TBC1D32: variants seen among roughly 807,000 people sequenced by gnomAD.
TBC1D32 encodes the protein TBC1 domain family member 32.
A neutral mutation model predicts 170.3 loss-of-function variants in TBC1D32; 151 were observed. That is an observed-to-expected ratio of 0.89 (90% CI 0.78 to 1.01). The LOEUF is 1.01. Among genes scored for constraint, TBC1D32 ranks in the 50% least tolerant of loss-of-function variants. The pLI is 0.00. For missense variants in TBC1D32, 1,464 were observed against 1,457.1 expected (o/e 1.00, Z -0.08); for synonymous variants, 498 against 488.0 (o/e 1.02, Z -0.27).
At chr6:121,099,520 C>T (rs1777775633) in intron 30 of TBC1D32, among the ~76,000 whole-genome samples, 1 of 151,858 alleles carries the variant, frequency 6.6e-6, no homozygotes, top group Admixed American at 6.6e-5. Flanking sequence ...GCCTACAAAT[C>T]CTTCACTAAT....
intron 15 of TBC1D32, among the ~76,000 whole-genome samples, chr6:121,259,640 A>G (rs1799507981): frequency 6.6e-6 from 1 of 152,230 alleles, no homozygotes; most frequent in Non-Finnish European, 1.5e-5. Context: ...GTAAAATTTT[A>G]GAACCTGAAA....
At chr6:121,269,526 T>C (rs561387573) in intron 15 of TBC1D32, among the ~76,000 whole-genome samples, 7 of 152,244 alleles carry the variant, frequency 4.6e-5, no homozygotes, top group African/African-American at 1.7e-4. Flanking sequence ...GGACATTACA[T>C]AATGGTAAAG....
chr6:121,190,197 C>T (rs1476595104), intron 22 of TBC1D32, among the ~76,000 whole-genome samples: 3 of 150,360 alleles, frequency 2.0e-5, no homozygotes, highest in Non-Finnish European at 4.4e-5. Flanking sequence ...GCCTCCCGCT[C>T]TTTCTCTCAC....
intron 24 of TBC1D32, among the ~76,000 whole-genome samples, chr6:121,136,435 A>C (rs143461005): frequency 6.6e-6 from 1 of 152,300 alleles, no homozygotes; most frequent in Non-Finnish European, 1.5e-5. Context: ...GTGTCTATAG[A>C]CATTTCTGAT....
At chr6:121,302,585 A>G (rs1806657625) in intron 9 of TBC1D32, among the ~76,000 whole-genome samples, 1 of 152,208 alleles carries the variant, frequency 6.6e-6, no homozygotes, top group Non-Finnish European at 1.5e-5. Flanking sequence ...AGTATATATA[A>G]CATATCTACA....
chr6:121,135,842 G>T (rs1781994314), intron 24 of TBC1D32, among the ~76,000 whole-genome samples: 1 of 152,062 alleles, frequency 6.6e-6, no homozygotes, highest in Non-Finnish European at 1.5e-5. Flanking sequence ...TCACACCTTG[G>T]TAACAGGTAA....
chr6:121,263,181 A>T (rs1799989757), intron 15 of TBC1D32, among the ~76,000 whole-genome samples: 1 of 151,904 alleles, frequency 6.6e-6, no homozygotes, highest in African/African-American at 2.4e-5. Flanking sequence ...TATTCAAGAG[A>T]CTCATCTCAT....
intron 30 of TBC1D32, among the ~76,000 whole-genome samples, chr6:121,100,036 T>C (rs755559112): frequency 6.6e-6 from 1 of 151,986 alleles, no homozygotes; most frequent in African/African-American, 2.4e-5. Flanking sequence ...CCAGTAGTCA[T>C]TCAGGAGCAG....
At chr6:121,192,056 AAACTACCCTT>A (rs376939204) in intron 22 of TBC1D32, among the ~76,000 whole-genome samples, 19,043 of 59,120 alleles carry the variant, frequency 0.32, 1,790 homozygotes, top group South Asian at 0.52. Flanking sequence ...AATACTTAAT[AAACTACCCTT>A]TATATATATA....
chr6:121,230,109 T>C (rs1795553266), intron 20 of TBC1D32, among the ~76,000 whole-genome samples: 3 of 152,106 alleles, frequency 2.0e-5, no homozygotes, highest in Non-Finnish European at 2.9e-5. Context: ...TTCTTCATAG[T>C]AGTGAAAATG....
chr6:121,311,778 G>A (rs1808247967), intron 3 of TBC1D32, among the ~76,000 whole-genome samples: 1 of 151,860 alleles, frequency 6.6e-6, no homozygotes, highest in African/African-American at 2.4e-5. Context: ...AGGCTGTGGA[G>A]AAATAGGAAT....
rs569860832 is a variant in TBC1D32 at position 121,162,032 on chromosome 6, T to G, written c.2571-976A>C. Among the ~76,000 whole-genome samples the G allele has an allele frequency of 2.0e-5, 3 of 152,354 alleles. No individual in the cohort carries two copies. The East Asian group carries it at 5.8e-4, about 29-fold the overall frequency. ...TTTGCCCACTTTTTAATGGGACTGT[T>G]TGCTTTTCTCTTGTAAATTTGTTTA... On this transcript the variant is annotated intron_variant, in intron 22 of 31. Transcript: ENST00000398212.
chr6:121,303,755 C>T lies in TBC1D32; in HGVS notation c.942G>A (p.Met314Ile), dbSNP rs780955437. The change falls in exon 9 of 32, where the codon ATG becomes ATA. Residue 314 changes from methionine to isoleucine, a missense_variant. Physicochemically the swap from Met to Ile is conservative, Grantham distance 10. Around this residue, in one of 3 missense-constraint regions of TBC1D32, gnomAD observed 1,363 missense variants for 1,338.1 expected, o/e 1.02. Coordinates refer to ENST00000398212, the MANE Select transcript of TBC1D32 (RefSeq NM_152730.6). ...ACAAAGTACTCTCCACAATTTCTTC[C>T]ATATACCTTAAAGTTTGGGAAAAAA... Reference protein sequence around the residue: ...SFWIRHPEKYMEEIVESTLSL... With the variant: ...SFWIRHPEKYIEEIVESTLSL... The T allele has an allele frequency of 2.0e-6, 3 of 1,531,578 alleles. No homozygotes were observed. Among genetic ancestry groups the T allele is most frequent in the Non-Finnish European group, 2.7e-6 (3 of 1,127,686 alleles). 94.9% of individuals were successfully genotyped at this position (1,531,578 alleles called of 1,614,324 possible).
At chr6:121,101,630 C>G (rs978517044) in intron 30 of TBC1D32, among the ~76,000 whole-genome samples, 1 of 152,150 alleles carries the variant, frequency 6.6e-6, no homozygotes, top group African/African-American at 2.4e-5. Flanking sequence ...CAGCCAGTAT[C>G]ACACTGAATG....
chr6:121,203,009 A>T (rs1344290807), intron 22 of TBC1D32, among the ~76,000 whole-genome samples: 1 of 151,394 alleles, frequency 6.6e-6, no homozygotes, highest in African/African-American at 2.5e-5. Flanking sequence ...AATGAAAAAC[A>T]TAGATTCAGA....
At chr6:121,093,729 T>C (rs545571594) in intron 30 of TBC1D32, among the ~76,000 whole-genome samples, 1 of 152,310 alleles carries the variant, frequency 6.6e-6, no homozygotes, top group South Asian at 2.1e-4. Context: ...TCAAGCATTG[T>C]TTCCTGTACA....
At position 121,196,082 on chromosome 6, in the gene TBC1D32, CAT is replaced by C. The variant is rs528233690; in HGVS notation, c.2570+8991_2570+8992del. ...AAAAACCATGAAGATACTTGTATCC[CAT>C]ATGAGTGCTCACCAACAGGTGACCT... is the stretch of plus-strand genomic sequence containing the variant. On this transcript the variant is annotated intron_variant, in intron 22 of 31. Transcript: ENST00000398212. 1.7e-4 allele frequency among the ~76,000 whole-genome samples: 26 copies of C among 152,250 alleles called. No individual in the cohort carries two copies. In the South Asian group the frequency reaches 5.2e-3, roughly 30 times the overall value.
chr6:121,103,823 G>A lies in TBC1D32; in HGVS notation c.3465+2200C>T, dbSNP rs180867281. Among the ~76,000 whole-genome samples the A allele has an allele frequency of 2.2e-4, 33 of 151,856 alleles. No individual in the cohort carries two copies. In the East Asian group the frequency reaches 6.4e-3, roughly 29 times the overall value. ...TAACGTAGATTAGAAAAGCAAAAGGGAACTCTCAGGAAGATACTGTTCCCA... is the reference window on the plus strand; with the variant it reads ...TAACGTAGATTAGAAAAGCAAAAGGAAACTCTCAGGAAGATACTGTTCCCA... On this transcript the variant is annotated intron_variant, in intron 30 of 31. Coordinates refer to ENST00000398212, the MANE Select transcript of TBC1D32 (RefSeq NM_152730.6).
At chr6:121,283,072 A>G (rs1336775624) in intron 13 of TBC1D32, among the ~76,000 whole-genome samples, 1 of 151,882 alleles carries the variant, frequency 6.6e-6, no homozygotes, top group African/African-American at 2.4e-5. Flanking sequence ...AACAGTGAAC[A>G]CTGTACTGAA....
Sources: allele counts gnomAD v4.1 joint callset (sites outside exome capture counted in the v4.1 genomes callset), GRCh38; gene constraint gnomAD v4.1.1; regional missense constraint gnomAD v4.1.1; transcripts MANE v1.5; gene names NCBI Gene and HGNC (gene_info 2026-07-23, HGNC 2026-07-21).